LYST: variants seen among roughly 807,000 people sequenced by gnomAD.
The protein encoded by LYST is lysosomal trafficking regulator.
In LYST, 192 loss-of-function variants were observed where a neutral mutation model predicts 413.6. The observed-to-expected ratio is 0.46, with a 90% CI of 0.41 to 0.52. The LOEUF (loss-of-function observed/expected upper bound fraction) is 0.52, where lower values mean the gene tolerates loss of function less well. Among genes scored for constraint, LYST ranks in the 20% least tolerant of loss-of-function variants. The pLI is 0.00. For synonymous variants in LYST, 1,525 were observed against 1,567.3 expected (o/e 0.97, Z 0.64); for missense variants, 3,815 against 4,499.9 (o/e 0.85, Z 4.35).
Position 235,712,139 on chromosome 1 carries a change from G to A in LYST, c.9843C>T (p.Leu3281=). The change falls in exon 43 of 53, where the codon CTC becomes CTT. Residue 3281 remains leucine (L), a synonymous_variant. Transcript: ENST00000389793. ...TFHSTNTTWR[L]SSFESMTDVK... is the part of the protein sequence containing the mutation. ...CATCAGTCATAGATTCAAAAGATGA[G>A]AGTCGCCAAGTTGTATTTGTAGAAT... 3.2e-6 allele frequency: 5 copies of A among 1,578,750 alleles called. No individual in the cohort carries two copies. In the South Asian group the frequency reaches 5.7e-5, roughly 18 times the overall value.
At chr1:235,807,039 A>G (rs998627570) in intron 5 of LYST, among the ~76,000 whole-genome samples, 2 of 152,204 alleles carry the variant, frequency 1.3e-5, no homozygotes, top group African/African-American at 4.8e-5. Context: ...TCCCACATTA[A>G]ATGAAGCAAT....
exon 1 of LYST, chr1:235,883,282 C>T (rs993215722): frequency 1.3e-5 from 2 of 152,524 alleles, no homozygotes; most frequent in Non-Finnish European, 2.9e-5. Flanking sequence ...AAACTGGTCT[C>T]TTCCATGCTG....
intron 39 of LYST, 140 bp from the exon 40 acceptor site, chr1:235,721,045 T>C: frequency 3.9e-6 from 3 of 779,094 alleles, no homozygotes; most frequent in African/African-American, 1.7e-5. Context: ...GTAACATTAA[T>C]GGGTAGAGAA....
rs1160399442 is a variant in LYST at position 235,804,606 on chromosome 1, C to CA, written c.3452dup (p.Ile1152AspfsTer2). The stretch of plus-strand genomic sequence containing the variant: ...AAGGCTTTGCTAGTTGTGTTTCAAT[C>CA]ACCTTTGACTGGGAAAGATGGTCCC... On this transcript the variant is annotated frameshift_variant, in exon 7 of 53. Transcript: ENST00000389793. LOFTEE classifies it high-confidence loss of function. 6.2e-7 allele frequency: 1 copy of CA among 1,610,902 alleles called. No individual in the cohort carries two copies. Among genetic ancestry groups the CA allele is most frequent in the Non-Finnish European group, 8.5e-7 (1 of 1,177,162 alleles).
At chr1:235,737,825 T>A (rs1664950332) in intron 31 of LYST, 2 of 895,146 alleles carry the variant, frequency 2.2e-6, no homozygotes, top group Non-Finnish European at 2.7e-6. Flanking sequence ...ATTCCAAAAA[T>A]TAATAAACAG....
At chr1:235,754,561 C>T (rs1373417506) in intron 25 of LYST, among the ~76,000 whole-genome samples, 1 of 152,082 alleles carries the variant, frequency 6.6e-6, no homozygotes, top group African/African-American at 2.4e-5. Flanking sequence ...CATGTTAATA[C>T]TATCTGCCAA....
chr1:235,668,321 G>C (rs553797957), intron 50 of LYST, among the ~76,000 whole-genome samples: 1 of 152,048 alleles, frequency 6.6e-6, no homozygotes, highest in African/African-American at 2.4e-5. Flanking sequence ...GAAAATAGGA[G>C]GATGAACTCT....
chr1:235,670,644 G>C (rs773419717), intron 50 of LYST, among the ~76,000 whole-genome samples: 1 of 152,182 alleles, frequency 6.6e-6, no homozygotes, highest in Non-Finnish European at 1.5e-5. Context: ...TCTGTGCACA[G>C]ACCAAGGTAA....
At chr1:235,795,660 C>T (rs1399437147) in intron 10 of LYST, among the ~76,000 whole-genome samples, 1 of 152,160 alleles carries the variant, frequency 6.6e-6, no homozygotes, top group Non-Finnish European at 1.5e-5. Flanking sequence ...ACACAGAGCT[C>T]TTCCACATAC....
At chr1:235,834,528 G>A (rs903983959) in intron 1 of LYST, among the ~76,000 whole-genome samples, 2 of 152,104 alleles carry the variant, frequency 1.3e-5, no homozygotes, top group South Asian at 4.1e-4. Flanking sequence ...GTGAGCCACT[G>A]TACCTGGCCC....
upstream of LYST, among the ~76,000 whole-genome samples, chr1:235,871,312 G>A (rs547911314): frequency 4.6e-5 from 7 of 152,328 alleles, 1 homozygote; most frequent in Admixed American, 2.0e-4. Flanking sequence ...TAACTAGAGC[G>A]ATTCCATCTT....
intron 3 of LYST, among the ~76,000 whole-genome samples, chr1:235,823,962 T>G (rs1675061322): frequency 6.6e-6 from 1 of 152,226 alleles, no homozygotes; most frequent in Admixed American, 6.5e-5. Context: ...TAGTAGGTAC[T>G]TAATGGTCTG....
At chr1:235,749,956 T>C (rs1443525754) in intron 28 of LYST, among the ~76,000 whole-genome samples, 5 of 151,578 alleles carry the variant, frequency 3.3e-5, no homozygotes, top group Non-Finnish European at 5.9e-5. Flanking sequence ...AAACCAGAGA[T>C]CTAGAGATGG....
At chr1:235,801,966 CG>C (rs1319107455) in intron 8 of LYST, among the ~76,000 whole-genome samples, 3 of 151,940 alleles carry the variant, frequency 2.0e-5, no homozygotes, top group Non-Finnish European at 4.4e-5. Flanking sequence ...GAGGCCGAGG[CG>C]GGTGGATCAC....
In LYST at chr1:235,808,531, T is replaced by C. The variant is rs1416460158; in HGVS notation, c.2287A>G (p.Ser763Gly). ...TGAGGCAAGCACTGGTTATGATGGC[T>C]ACATACATGACTTTGAGCTGAAGTA... is the stretch of plus-strand genomic sequence containing the variant. ...SVTSAQSHVC[S>G]HHNQCLPQDV... Residue 763 changes from serine to glycine, a missense_variant, in exon 5 of 53, where the codon AGC becomes GGC. Transcript: ENST00000389793. The C allele has an allele frequency of 6.2e-7, 1 of 1,613,782 alleles. No homozygotes were observed. Among genetic ancestry groups the C allele is most frequent in the East Asian group, 2.2e-5 (1 of 44,874 alleles).
chr1:235,734,421 G>T, intron 32 of LYST, 62 bp downstream of exon 32: 1 of 1,287,916 alleles, frequency 7.8e-7, no homozygotes. Context: ...AAAAAGTAGT[G>T]TCAATCATTC....
intron 46 of LYST, among the ~76,000 whole-genome samples, chr1:235,695,032 TTCAG>T (rs1200451209): frequency 2.6e-5 from 4 of 152,240 alleles, no homozygotes; most frequent in Admixed American, 2.6e-4. Flanking sequence ...TACAACATTG[TTCAG>T]TCAATGCCTC....
chr1:235,759,133 G>C lies in LYST; in HGVS notation c.6720C>G (p.His2240Gln), dbSNP rs1667329514. 6.2e-7 allele frequency: 1 copy of C among 1,614,194 alleles called. No individual in the cohort carries two copies. Among genetic ancestry groups the C allele is most frequent in the South Asian group, 1.1e-5 (1 of 91,084 alleles). The change falls in exon 23 of 53, where the codon CAC (histidine) becomes CAG (glutamine). Residue 2240 changes from histidine to glutamine, a missense_variant. Coordinates refer to ENST00000389793, the MANE Select transcript of LYST (RefSeq NM_000081.4). ...CTAGCCCAAGGCTTGCAATAGTGCT[G>C]TGGCTTCGCTGGAAGGAGGCCAATC... ...LKGLASFQRS[H>Q]STIASLGLAF... is the part of the protein sequence containing the mutation.
In LYST at chr1:235,733,563, T is replaced by G; in HGVS notation, c.8741A>C (p.Lys2914Thr). Residue 2914 changes from lysine (K) to threonine (T), a missense_variant, in exon 34 of 53, where the codon AAA becomes ACA. Physicochemically the swap from Lys to Thr is moderately conservative, Grantham distance 78. Coordinates refer to ENST00000389793, the MANE Select transcript of LYST (RefSeq NM_000081.4). Reference sequence around the variant, plus strand: ...ATGTCTGCTGGCACTCAAATCTACTTTATACATTCCTCTAATATGCTGGAT... The same window carrying G: ...ATGTCTGCTGGCACTCAAATCTACTGTATACATTCCTCTAATATGCTGGAT... ...KVIQHIRGMY[K>T]VDLSASRHWQ... 6.2e-7 allele frequency: 1 copy of G among 1,613,978 alleles called. No homozygotes were observed. The highest frequency in any genetic ancestry group is 8.5e-7 in the Non-Finnish European group (1 of 1,179,912).
Sources: gnomAD v4.1 joint callset for allele counts (sites outside exome capture counted in the v4.1 genomes callset) on GRCh38, gnomAD v4.1.1 for gene constraint, MANE v1.5 for transcripts, NCBI Gene and HGNC (gene_info 2026-07-23, HGNC 2026-07-21) for gene names.